MEG3: variants seen among roughly 807,000 people sequenced by gnomAD.
The protein encoded by MEG3 is maternally expressed 3.
Position 100,846,875 on chromosome 14 carries a change from T to C in MEG3, n.3121+1342T>C, listed in dbSNP as rs188112860. 5 of 151,846 alleles carry C rather than the reference T, an allele frequency of 3.3e-5. No individual in the cohort carries two copies. In the East Asian group the frequency reaches 9.7e-4, roughly 29 times the overall value. 9.4% of individuals were successfully genotyped at this position (151,846 alleles called of 1,614,324 possible). ...ATTTGACAATGAAAAAGAACCTAAATGAAAGAAAGAATGGATGTATGAGTA... is the reference window on the plus strand; with the variant it reads ...ATTTGACAATGAAAAAGAACCTAAACGAAAGAAAGAATGGATGTATGAGTA... On this transcript the variant is annotated intron_variant and non_coding_transcript_variant, in intron 3 of 3. Coordinates refer to the MEG3 transcript ENST00000398461.
chr14:100,838,055 T>C (rs1022728616), intron 2 of MEG3, among the ~76,000 whole-genome samples: 1 of 152,126 alleles, frequency 6.6e-6, no homozygotes, highest in African/African-American at 2.4e-5. Flanking sequence ...GAGGGGAGGT[T>C]TGCACAGGGG....
At chr14:100,856,714 A>C (rs2038251079), upstream of MEG3, 1 of 152,482 alleles carries the variant, frequency 6.6e-6, no homozygotes, top group African/African-American at 2.4e-5. Flanking sequence ...GACTCGCTGG[A>C]CAATGCCCCT....
At chr14:100,843,405 G>A (rs1208113464) in intron 2 of MEG3, among the ~76,000 whole-genome samples, 1 of 152,106 alleles carries the variant, frequency 6.6e-6, no homozygotes, top group Non-Finnish European at 1.5e-5. Flanking sequence ...CGGAGGGAGG[G>A]TGGGAAACGG....
chr14:100,860,850 G>T (rs768261238), exon 2 of MEG3: 1 of 366,552 alleles, frequency 2.7e-6, no homozygotes, highest in Non-Finnish European at 5.4e-6. Context: ...TGCCCACCCC[G>T]CAGGAACCCT....
intron 1 of MEG3, chr14:100,826,154 C>T (rs766776872): frequency 1.3e-5 from 2 of 152,264 alleles, no homozygotes; most frequent in Non-Finnish European, 2.9e-5. Context: ...CGCGCCTTGG[C>T]TCGCTGGCCT....
At chr14:100,827,082 ATGGG>A (rs1159751461) in intron 1 of MEG3, among the ~76,000 whole-genome samples, 12 of 151,828 alleles carry the variant, frequency 7.9e-5, no homozygotes, top group African/African-American at 2.7e-4. Flanking sequence ...GGAGCTGGGG[ATGGG>A]GTGCCGCGGG....
intron 3 of MEG3, chr14:100,849,541 G>A (rs187681846): frequency 6.6e-6 from 1 of 152,356 alleles, no homozygotes; most frequent in East Asian, 1.9e-4. Context: ...AGCGTGAAAA[G>A]AGGCAGGAAG....
chr14:100,841,160 C>G (rs938240462), intron 2 of MEG3, among the ~76,000 whole-genome samples: 1 of 152,174 alleles, frequency 6.6e-6, no homozygotes, highest in Non-Finnish European at 1.5e-5. Context: ...TAGGGCCACT[C>G]CAGAGGCACC....
chr14:100,834,890 CG>C (rs1196810800), exon 1 of MEG3: 5 of 441,782 alleles, frequency 1.1e-5, no homozygotes, highest in Non-Finnish European at 2.3e-5. Context: ...CCCATTTGAA[CG>C]GGGGCCTTGC....
At chr14:100,860,339 G>C (rs1449917319) in exon 1 of MEG3, 3 of 273,394 alleles carry the variant, frequency 1.1e-5, no homozygotes, top group African/African-American at 2.3e-5. Flanking sequence ...AGAAGAGCTG[G>C]GGATAGCATT....
In MEG3 at chr14:100,845,583, T is replaced by G. The variant is rs986968765; in HGVS notation, n.3121+50T>G. The G allele has an allele frequency of 2.4e-4, 109 of 447,134 alleles. No homozygotes were observed. The highest frequency in any genetic ancestry group is 4.0e-4 in the Non-Finnish European group (88 of 221,776). The allele number at this position is 447,134 out of a possible 1,614,324, so 27.7% of individuals were successfully genotyped here. A position where few individuals can be genotyped will look rare whatever the true frequency, so the allele number is the denominator to read the frequency against. On this transcript the variant is annotated intron_variant and non_coding_transcript_variant, in intron 3 of 3. Transcript: ENST00000398461. This position sits in a 1 kb window ranked among gnomAD's most constrained non-coding sequence, Gnocchi z 5.2. ...ACACATGTGGCCTTGCTGCTGAGGG[T>G]GGGGCCAGCTGCCCGGAGCACACCG...
intron 3 of MEG3, chr14:100,846,668 G>A (rs749719929): frequency 6.6e-6 from 1 of 152,232 alleles, no homozygotes; most frequent in Non-Finnish European, 1.5e-5. Flanking sequence ...AGGTAAAGAA[G>A]TAAGCAAGCC....
At position 100,845,052 on chromosome 14, in the gene MEG3, TCTC is replaced by T. The variant is rs2037875848; in HGVS notation, n.3046-401_3046-399del. 6.6e-6 allele frequency among the ~76,000 whole-genome samples: 1 copy of T among 152,134 alleles called. No homozygotes were observed. The highest frequency in any genetic ancestry group is 1.9e-4 in the East Asian group (1 of 5,166). ...TCCCGGCCACACCCCGCTTCCCTGGTCTCCTCCAGGGCCAGCCATCCTGCTCGC... is the reference window on the plus strand; with the variant it reads ...TCCCGGCCACACCCCGCTTCCCTGGTCTCCAGGGCCAGCCATCCTGCTCGC... On this transcript the variant is annotated intron_variant and non_coding_transcript_variant, in intron 2 of 3. Coordinates refer to the MEG3 transcript ENST00000398461. This position sits in a 1 kb window ranked among gnomAD's most constrained non-coding sequence, Gnocchi z 5.2.
chr14:100,830,273 C>T (rs1441296969), downstream of MEG3: 1 of 151,848 alleles, frequency 6.6e-6, no homozygotes, highest in Non-Finnish European at 1.5e-5. Context: ...CTTTTAATAA[C>T]AGTGTGACCT....
chr14:100,828,352 A>G (rs1230856308), intron 1 of MEG3, among the ~76,000 whole-genome samples: 5 of 128,772 alleles, frequency 3.9e-5, no homozygotes, highest in African/African-American at 6.0e-5. Context: ...CCTCTCCTCC[A>G]CCTCCCATTT....
downstream of MEG3, chr14:100,831,336 C>T (rs529284967): frequency 6.5e-6 from 1 of 153,138 alleles, no homozygotes; most frequent in East Asian, 1.9e-4. Flanking sequence ...GCATTTCTGA[C>T]TTTGCTGTGC....
chr14:100,837,410 C>T lies in MEG3; in HGVS notation n.3045+1110C>T, dbSNP rs1336216249. Reference sequence around the variant, plus strand: ...TGGTGAATGAGTGCAGTTAGACTTCCCAGAGAAGCTGGGTGGGCGCTGAGA... The same window carrying T: ...TGGTGAATGAGTGCAGTTAGACTTCTCAGAGAAGCTGGGTGGGCGCTGAGA... On this transcript the variant is annotated intron_variant and non_coding_transcript_variant, in intron 2 of 3. Transcript: ENST00000398461. The surrounding 1 kb of genome is among the most constrained non-coding windows in gnomAD (Gnocchi z 5.8). 6.6e-6 allele frequency among the ~76,000 whole-genome samples: 1 copy of T among 152,144 alleles called. No individual in the cohort carries two copies. Among genetic ancestry groups the T allele is most frequent in the African/African-American group, 2.4e-5 (1 of 41,440 alleles).
In MEG3 at chr14:100,845,578, G is replaced by A; in HGVS notation, n.3121+45G>A. 1 of 450,766 alleles carries A rather than the reference G, an allele frequency of 2.2e-6. No homozygotes were observed. Among genetic ancestry groups the A allele is most frequent in the Non-Finnish European group, 4.5e-6 (1 of 223,776 alleles). The allele number at this position is 450,766 out of a possible 1,614,324, so 27.9% of individuals were successfully genotyped here. ...AGAACACACATGTGGCCTTGCTGCT[G>A]AGGGTGGGGCCAGCTGCCCGGAGCA... On this transcript the variant is annotated intron_variant and non_coding_transcript_variant, in intron 3 of 3. Coordinates refer to the MEG3 transcript ENST00000398461. The surrounding 1 kb of genome is among the most constrained non-coding windows in gnomAD (Gnocchi z 5.2).
At chr14:100,852,216 G>T (rs540083597) in intron 3 of MEG3, 5 of 417,694 alleles carry the variant, frequency 1.2e-5, no homozygotes, top group Admixed American at 2.5e-5. Context: ...TGATGCTTGA[G>T]GTCTGAGCTG....
Sources: allele counts gnomAD v4.1 joint callset (sites outside exome capture counted in the v4.1 genomes callset), GRCh38; gene constraint gnomAD v4.1.1; non-coding constraint Gnocchi (gnomAD v3.1); transcripts MANE v1.5; gene names NCBI Gene and HGNC (gene_info 2026-07-23, HGNC 2026-07-21).